The following ARAP2 variants were observed in gnomAD, a reference collection of about 807,000 sequenced individuals.
ARAP2 encodes the protein ArfGAP with RhoGAP domain, ankyrin repeat and PH domain 2, also known as arf-GAP with Rho-GAP domain, ANK repeat and PH domain-containing protein 2.
Under a neutral mutation model 194.5 loss-of-function variants are expected in ARAP2, and 148 were observed. That is an observed-to-expected ratio of 0.76 (90% CI 0.67 to 0.87). The LOEUF (loss-of-function observed/expected upper bound fraction) is 0.87, where lower values mean the gene tolerates loss of function less well. Ranked by LOEUF, ARAP2 falls within the 40% of genes least tolerant of loss-of-function variation. ARAP2 has a pLI of 0.00. For missense variants in ARAP2, 2,128 were observed against 1,989.7 expected, an observed-to-expected ratio of 1.07 and a Z score of -1.32; for synonymous variants, 695 against 683.5, an observed-to-expected ratio of 1.02 and a Z score of -0.26.
rs147249651 is a variant in ARAP2 at position 36,029,354 on chromosome 4, T to C, written n.608-10068A>G. ...TTGGCCTATAATATTTTAAGGTGTT[T>C]GTCACTGTAAATTGTAATACTTTTT... On this transcript the variant is annotated intron_variant and non_coding_transcript_variant, in intron 5 of 12. Coordinates refer to the ARAP2 transcript ENST00000503225. Among the ~76,000 whole-genome samples, 341 of 152,148 alleles carry C rather than the reference T, an allele frequency of 2.2e-3. 1 individual carries two copies. Among genetic ancestry groups the C allele is most frequent in the African/African-American group, 7.6e-3 (316 of 41,558 alleles).
chr4:36,212,365 T>C (rs1325003959), intron 5 of ARAP2, 31 bp downstream of exon 5: 1 of 1,486,822 alleles, frequency 6.7e-7, no homozygotes, highest in Non-Finnish European at 9.4e-7. Context: ...TTATTCTAAA[T>C]AGTTAATCAT....
At position 36,067,589 on chromosome 4, in the gene ARAP2, G is replaced by C. The variant is rs914552708; in HGVS notation, c.*318C>G. ...CATTTTATACAATACAGTACAGTTT[G>C]AGATTTCTGCTCATAAATTATACCA... On this transcript the variant is annotated 3_prime_UTR_variant, in exon 33 of 33. Transcript: ENST00000303965. 4.8e-6 allele frequency: 1 copy of C among 207,722 alleles called. No homozygotes were observed. The highest frequency in any genetic ancestry group is 5.4e-5 in the Admixed American group (1 of 18,614). The allele number at this position is 207,722 out of a possible 1,614,324, so 12.9% of individuals were successfully genotyped here. A position where few individuals can be genotyped will look rare whatever the true frequency, so the allele number is the denominator to read the frequency against.
chr4:36,169,859 G>A (rs1019643791), intron 9 of ARAP2, among the ~76,000 whole-genome samples: 17 of 152,090 alleles, frequency 1.1e-4, no homozygotes, highest in African/African-American at 3.9e-4. Flanking sequence ...ATGGCCATAT[G>A]GTTTTGAGTA....
chr4:36,104,944 A>G (rs896105114), intron 27 of ARAP2, among the ~76,000 whole-genome samples: 8 of 151,946 alleles, frequency 5.3e-5, no homozygotes, highest in African/African-American at 1.9e-4. Flanking sequence ...TATTTGTTGG[A>G]TTAAATGAGG....
chr4:36,157,811 ATT>A (rs140683626), intron 15 of ARAP2, among the ~76,000 whole-genome samples: 55 of 152,126 alleles, frequency 3.6e-4, no homozygotes, highest in African/African-American at 1.2e-3. Flanking sequence ...ATATATATAT[ATT>A]TGGAAATAAA....
downstream of ARAP2, among the ~76,000 whole-genome samples, chr4:36,062,633 A>AGAGAGT (rs1553882454): frequency 7.4e-5 from 11 of 148,170 alleles, no homozygotes; most frequent in Non-Finnish European, 1.2e-4. Flanking sequence ...TTTGTGTGAG[A>AGAGAGT]GTGTGTGTGT....
intron 8 of ARAP2, among the ~76,000 whole-genome samples, chr4:36,013,820 T>C (rs1715013875): frequency 6.6e-6 from 1 of 152,136 alleles, no homozygotes; most frequent in Non-Finnish European, 1.5e-5. Context: ...CACTGAATCA[T>C]CAAAGACAGA....
At position 36,158,822 on chromosome 4, in the gene ARAP2, T is replaced by G. The variant is rs1733211262; in HGVS notation, c.2660A>C (p.Gln887Pro). The G allele has an allele frequency of 1.2e-6, 2 of 1,611,636 alleles. No individual in the cohort carries two copies. The highest frequency in any genetic ancestry group is 3.3e-5 in the Admixed American group (2 of 59,760). ...GAGGAATGTGGACTGGGAAGACTCT[T>G]GACTTAATACACCCTCGGAATGAAT... ...HDIHSEGVLS[Q>P]ESSQSTFLCD... The change falls in exon 15 of 33, where the codon CAA becomes CCA. Residue 887 changes from glutamine (Q) to proline (P), a missense_variant. Transcript: ENST00000303965.
Position 36,212,420 on chromosome 4 carries a change from G to C in ARAP2, c.1109C>G (p.Thr370Arg). The C allele has an allele frequency of 6.2e-7, 1 of 1,612,042 alleles. No individual in the cohort carries two copies. The highest frequency in any genetic ancestry group is 8.5e-7 in the Non-Finnish European group (1 of 1,178,592). Residue 370 changes from threonine (T) to arginine (R), a missense_variant, in exon 5 of 33, where the codon ACA becomes AGA. Coordinates refer to ENST00000303965, the MANE Select transcript of ARAP2 (RefSeq NM_015230.4). ...EALKGEAATA[T>R]NSFIIKSSIY... ...CCTTGATTTGATGATAAAAGAGTTT[G>C]TTGCAGTAGCTGCTTCCCCTTTGAG...
At chr4:36,169,334 C>T (rs368547268) in intron 9 of ARAP2, among the ~76,000 whole-genome samples, 4 of 152,040 alleles carry the variant, frequency 2.6e-5, no homozygotes, top group African/African-American at 7.3e-5. Context: ...ATACTCTGAC[C>T]ATCATACTAG....
intron 26 of ARAP2, among the ~76,000 whole-genome samples, chr4:36,109,564 T>C (rs1486655501): frequency 6.6e-6 from 1 of 151,952 alleles, no homozygotes; most frequent in Non-Finnish European, 1.5e-5. Context: ...TTCTAAAAGA[T>C]TGGGAAAAGA....
chr4:36,122,400 G>GTGGTA (rs1457514795), intron 22 of ARAP2, among the ~76,000 whole-genome samples: 2 of 151,792 alleles, frequency 1.3e-5, no homozygotes, highest in Non-Finnish European at 2.9e-5. Flanking sequence ...TAAGGAAAAT[G>GTGGTA]TGGTACATAA....
intron 15 of ARAP2, among the ~76,000 whole-genome samples, chr4:36,152,834 C>G (rs959349209): frequency 6.6e-6 from 1 of 152,162 alleles, no homozygotes; most frequent in Non-Finnish European, 1.5e-5. Context: ...ACTGCAAAAA[C>G]CCTATTTGCC....
chr4:36,020,009 T>A (rs1031623365), intron 5 of ARAP2, among the ~76,000 whole-genome samples: 3 of 152,184 alleles, frequency 2.0e-5, no homozygotes, highest in Admixed American at 1.3e-4. Flanking sequence ...TTAGGCATAG[T>A]AAGAGATGAA....
chr4:36,079,543 C>T (rs60544318), intron 31 of ARAP2, among the ~76,000 whole-genome samples: 4,851 of 152,188 alleles, frequency 0.032, 256 homozygotes, highest in African/African-American at 0.11. Flanking sequence ...GGTTGGGAAA[C>T]AAACCAGTCC....
rs775065486 is a variant in ARAP2, at chr4:36,119,658, C to T, written c.3955G>A (p.Asp1319Asn). 13 of 1,600,504 alleles carry T rather than the reference C, an allele frequency of 8.1e-6. No individual in the cohort carries two copies. In the South Asian group the frequency reaches 1.4e-4, roughly 18 times the overall value. Residue 1319 changes from aspartate to asparagine, a missense_variant, in exon 24 of 33, where the codon GAC (aspartate) becomes AAC (asparagine). Asp to Asn is a conservative substitution (Grantham distance 23, BLOSUM62 1). Transcript: ENST00000303965. The part of the protein sequence containing the change: ...IENSFITKWK[D>N]TQVSQAGDLL... ...TAACTATTACTACTCACTTGGGTGT[C>T]TTTCCACTTGGTAATAAAGCTATTT...
chr4:36,099,954 T>C (rs890822807), intron 27 of ARAP2, among the ~76,000 whole-genome samples: 1 of 152,052 alleles, frequency 6.6e-6, no homozygotes, highest in African/African-American at 2.4e-5. Flanking sequence ...CAACTACCCT[T>C]ACAAAAGTCT....
intron 18 of ARAP2, 28 bp downstream of exon 18, chr4:36,147,520 A>G: frequency 6.3e-7 from 1 of 1,592,812 alleles, no homozygotes; most frequent in Non-Finnish European, 8.5e-7. Context: ...AAAGTGTTCC[A>G]AAGATAAGGG....
rs1243858558 is a variant in ARAP2, at chr4:36,066,421, T to C, written c.*1486A>G. 1 of 152,150 alleles carries C rather than the reference T, an allele frequency of 6.6e-6. No individual in the cohort carries two copies. The highest frequency in any genetic ancestry group is 1.5e-5 in the Non-Finnish European group (1 of 68,026). 9.4% of individuals were successfully genotyped at this position (152,150 alleles called of 1,614,324 possible). A position where few individuals can be genotyped will look rare whatever the true frequency, so the allele number is the denominator to read the frequency against. On this transcript the variant is annotated 3_prime_UTR_variant, in exon 33 of 33. Coordinates refer to ENST00000303965, the MANE Select transcript of ARAP2 (RefSeq NM_015230.4). ...TTAAAGAATAAATATCTCATACCCA[T>C]GGTGAACTATTTTATCACCCCAAAA...
Sources: gnomAD v4.1 joint callset for allele counts (sites outside exome capture counted in the v4.1 genomes callset) on GRCh38, gnomAD v4.1.1 for gene constraint, MANE v1.5 for transcripts, NCBI Gene and HGNC (gene_info 2026-07-23, HGNC 2026-07-21) for gene names.